KCTD16: variants seen among roughly 807,000 people sequenced by gnomAD.
The protein encoded by KCTD16 is potassium channel tetramerization domain containing 16.
In KCTD16, 13 loss-of-function variants were observed where a neutral mutation model predicts 33.2. The observed-to-expected ratio is 0.39, with a 90% CI of 0.25 to 0.62. The LOEUF is 0.62. KCTD16 is among the 20% of genes least tolerant of loss of function. The pLI, the probability that KCTD16 is intolerant of heterozygous loss-of-function variation, is 0.50. For missense variants in KCTD16, 441 were observed against 525.1 expected (o/e 0.84, Z 1.57); for synonymous variants, 197 against 195.3 (o/e 1.01, Z -0.07).
At chr5:144,471,889 G>T (rs941687469) in intron 3 of KCTD16, among the ~76,000 whole-genome samples, 3 of 152,098 alleles carry the variant, frequency 2.0e-5, no homozygotes, top group African/African-American at 7.2e-5. Flanking sequence ...ATAATTTAGG[G>T]ATACTTCTGG....
intron 3 of KCTD16, among the ~76,000 whole-genome samples, chr5:144,295,303 A>T (rs1314123934): frequency 6.6e-6 from 1 of 152,194 alleles, no homozygotes; most frequent in African/African-American, 2.4e-5. Flanking sequence ...GCATATGTAA[A>T]GCTCTTGTCT....
At position 144,305,079 on chromosome 5, in the gene KCTD16, G is replaced by A. The variant is rs1453496051; in HGVS notation, c.832+97533G>A. Reference sequence around the variant, plus strand: ...CTCTGTCTGATTCACCTGACATGTGGGACACTCCACATTTAGAGCTTCTTA... The same window carrying A: ...CTCTGTCTGATTCACCTGACATGTGAGACACTCCACATTTAGAGCTTCTTA... On this transcript the variant is annotated intron_variant, in intron 3 of 3. Coordinates refer to ENST00000512467, the MANE Select transcript of KCTD16 (RefSeq NM_020768.4). Among the ~76,000 whole-genome samples, 4 of 149,994 alleles carry A rather than the reference G, an allele frequency of 2.7e-5. No homozygotes were observed. In the East Asian group the frequency reaches 5.9e-4, roughly 22 times the overall value.
chr5:144,397,080 C>CCCA, intron 3 of KCTD16, among the ~76,000 whole-genome samples: 1 of 124,660 alleles, frequency 8.0e-6, no homozygotes, highest in East Asian at 2.8e-4. Flanking sequence ...CCCCTCCCCC[C>CCCA]ACCCCACAAC....
At chr5:144,208,952 T>C (rs1753279212) in intron 3 of KCTD16, among the ~76,000 whole-genome samples, 1 of 152,206 alleles carries the variant, frequency 6.6e-6, no homozygotes, top group Non-Finnish European at 1.5e-5. Flanking sequence ...ATTGTCTTCT[T>C]CCTTTTGGTA....
chr5:144,239,508 G>C (rs961057540), intron 3 of KCTD16, among the ~76,000 whole-genome samples: 1 of 151,916 alleles, frequency 6.6e-6, no homozygotes, highest in East Asian at 1.9e-4. Context: ...TTCTTCAAAG[G>C]GCTTTTAATT....
chr5:144,402,021 A>G (rs1037867443), intron 3 of KCTD16, among the ~76,000 whole-genome samples: 1 of 152,208 alleles, frequency 6.6e-6, no homozygotes, highest in Admixed American at 6.5e-5. Context: ...AGGTGCTGTC[A>G]TGAAGCTCAT....
intron 3 of KCTD16, among the ~76,000 whole-genome samples, chr5:144,465,567 G>A (rs1008670162): frequency 3.9e-5 from 6 of 152,108 alleles, no homozygotes; most frequent in South Asian, 4.2e-4. Context: ...TACTGTGGTC[G>A]TGTAGGTCTG....
Position 144,473,654 on chromosome 5 carries a change from T to C in KCTD16, c.833-6T>C, listed in dbSNP as rs1181572326. 6.3e-7 allele frequency: 1 copy of C among 1,585,690 alleles called. No homozygotes were observed. The highest frequency in any genetic ancestry group is 1.1e-5 in the South Asian group (1 of 87,934). ...TAATCCTTTGGGTCCTTTGCTTTCT[T>C]TTCAGGTGAGCCTTCCAGATGGTCA... On this transcript the variant is annotated splice_polypyrimidine_tract_variant and splice_region_variant and intron_variant, in intron 3 of 3. Coordinates refer to ENST00000512467, the MANE Select transcript of KCTD16 (RefSeq NM_020768.4).
At chr5:144,398,582 T>C (rs2126944229) in intron 3 of KCTD16, among the ~76,000 whole-genome samples, 1 of 152,294 alleles carries the variant, frequency 6.6e-6, no homozygotes. Flanking sequence ...TATCCGCAAG[T>C]TGTTTTTAAA....
chr5:144,191,744 A>G (rs1752845842), intron 2 of KCTD16, among the ~76,000 whole-genome samples: 1 of 151,866 alleles, frequency 6.6e-6, no homozygotes, highest in Non-Finnish European at 1.5e-5. Context: ...CAGCCGAGAC[A>G]GTTCCCTGTT....
intron 3 of KCTD16, among the ~76,000 whole-genome samples, chr5:144,437,089 C>T (rs752242751): frequency 1.4e-4 from 21 of 152,118 alleles, no homozygotes; most frequent in Non-Finnish European, 2.8e-4. Flanking sequence ...TTTTGGAAGA[C>T]AGGCAGGAAT....
At chr5:144,243,933 C>CAAAAAATTTA (rs1754476786) in intron 3 of KCTD16, among the ~76,000 whole-genome samples, 1 of 151,900 alleles carries the variant, frequency 6.6e-6, no homozygotes, top group African/African-American at 2.4e-5. Flanking sequence ...TTAGTAGAGA[C>CAAAAAATTTA]GGGGTTTCAC....
At chr5:144,326,894 A>G (rs1752220474) in intron 3 of KCTD16, among the ~76,000 whole-genome samples, 1 of 152,168 alleles carries the variant, frequency 6.6e-6, no homozygotes, top group Non-Finnish European at 1.5e-5. Flanking sequence ...CTGTCCCTAT[A>G]TTATAACATT....
intron 3 of KCTD16, among the ~76,000 whole-genome samples, chr5:144,304,380 A>T (rs886363986): frequency 2.6e-5 from 4 of 152,052 alleles, no homozygotes; most frequent in Non-Finnish European, 4.4e-5. Flanking sequence ...GGGAGTCCAG[A>T]TGTGGTCAGT....
At chr5:144,458,936 T>G (rs1754132954) in intron 3 of KCTD16, among the ~76,000 whole-genome samples, 1 of 152,164 alleles carries the variant, frequency 6.6e-6, no homozygotes, top group South Asian at 2.1e-4. Context: ...GAATGCATAT[T>G]TATCATAGTC....
In KCTD16 at chr5:144,484,935, C is replaced by G. The variant is rs1754773569; in HGVS notation, c.*10821C>G. On this transcript the variant is annotated 3_prime_UTR_variant, in exon 4 of 4. Transcript: ENST00000512467. ...AACTTTAAAGGAATTTGTTTACTGA[C>G]TGGTGTTAAAATGAATGTGCTTATT... The G allele has an allele frequency of 6.6e-6, 1 of 151,884 alleles. No individual in the cohort carries two copies. 9.4% of individuals were successfully genotyped at this position (151,884 alleles called of 1,614,324 possible). A position where few individuals can be genotyped will look rare whatever the true frequency, so the allele number is the denominator to read the frequency against.
chr5:144,292,705 T>A (rs1301690205), intron 3 of KCTD16, among the ~76,000 whole-genome samples: 3 of 152,156 alleles, frequency 2.0e-5, no homozygotes, highest in Admixed American at 6.5e-5. Flanking sequence ...AAGTGGTTTA[T>A]CAATGGAAAG....
intron 1 of KCTD16, among the ~76,000 whole-genome samples, chr5:144,173,912 T>TTA (rs1752446598): frequency 6.6e-6 from 1 of 151,822 alleles, no homozygotes; most frequent in South Asian, 2.1e-4. Context: ...TTTTTTTTTT[T>TTA]TTTTTGGCAT....
chr5:144,393,957 T>C (rs1355095122), intron 3 of KCTD16, among the ~76,000 whole-genome samples: 1 of 146,422 alleles, frequency 6.8e-6, no homozygotes, highest in Non-Finnish European at 1.5e-5. Flanking sequence ...TTTTTCTTTC[T>C]TTTTTCTTTT....
Sources: gnomAD v4.1 joint callset for allele counts (sites outside exome capture counted in the v4.1 genomes callset) on GRCh38, gnomAD v4.1.1 for gene constraint, MANE v1.5 for transcripts, NCBI Gene and HGNC (gene_info 2026-07-23, HGNC 2026-07-21) for gene names.